GPHN: variants seen among roughly 807,000 people sequenced by gnomAD.
GPHN encodes the protein gephyrin.
A neutral mutation model predicts 95.5 loss-of-function variants in GPHN; 17 were observed. That is an observed-to-expected ratio of 0.18 (90% CI 0.12 to 0.27). The LOEUF is 0.27. GPHN is among the 10% of genes least tolerant of loss of function. The pLI is 1.00. For synonymous variants in GPHN, 320 were observed against 322.5 expected (o/e 0.99, Z 0.08); for missense variants, 660 against 978.1 (o/e 0.67, Z 4.34).
the GPHN span, among the ~76,000 whole-genome samples, chr14:67,498,256 C>T: frequency 0.031 from 4,747 of 152,200 alleles, 251 homozygotes; most frequent in East Asian, 0.22. Context: ...TTTGCCAAGA[C>T]GTTCTATAAG....
chr14:67,662,386 A>G, the GPHN span: 1 of 1,128,610 alleles, frequency 8.9e-7, no homozygotes, highest in South Asian at 1.4e-5. Context: ...ATCAATGGAC[A>G]GGAACAGTTA....
At position 66,983,057 on chromosome 14, in the gene GPHN, G is replaced by T. The variant is rs1483849194; in HGVS notation, c.963+17732G>T. Among the ~76,000 whole-genome samples, 3 of 152,088 alleles carry T rather than the reference G, an allele frequency of 2.0e-5. No individual in the cohort carries two copies. In the East Asian group the frequency reaches 5.8e-4, roughly 29 times the overall value. On this transcript the variant is annotated intron_variant, in intron 9 of 22. Coordinates refer to ENST00000478722, the MANE Select transcript of GPHN (RefSeq NM_020806.5). ...ACATAAGGTCAGGAGTTCAAGAGCA[G>T]CCTGGCCAACATGGTGAAACCCTGT...
At chr14:67,298,608 T>C in the GPHN span, among the ~76,000 whole-genome samples, 3 of 152,154 alleles carry the variant, frequency 2.0e-5, no homozygotes, top group East Asian at 3.8e-4. Flanking sequence ...GGTATATACA[T>C]AGAAATTTTC....
chr14:67,603,067 G>GTTTGTTTTGTTTTGTTTTGT, the GPHN span, among the ~76,000 whole-genome samples: 14 of 151,614 alleles, frequency 9.2e-5, no homozygotes, highest in African/African-American at 2.9e-4. Flanking sequence ...TTTCTTTCTG[G>GTTTGTTTTGTTTTGTTTTGT]TTTGTTTTGT....
chr14:67,727,480 T>G, the GPHN span: 2,142 of 347,666 alleles, frequency 6.2e-3, 37 homozygotes, highest in East Asian at 0.017. Flanking sequence ...CTTTTTGTTT[T>G]TTTTGTTTTT....
At chr14:67,248,052 C>A in the GPHN span, among the ~76,000 whole-genome samples, 1 of 151,954 alleles carries the variant, frequency 6.6e-6, no homozygotes, top group African/African-American at 2.4e-5. Context: ...TTATCATATG[C>A]CTTTTCTGCA....
chr14:67,225,583 G>A, the GPHN span, among the ~76,000 whole-genome samples: 8 of 152,246 alleles, frequency 5.3e-5, no homozygotes, highest in East Asian at 1.4e-3. Context: ...TTCCCAACCT[G>A]CTTTTTAGAT....
At chr14:66,865,511 G>C (rs141376508) in intron 4 of GPHN, among the ~76,000 whole-genome samples, 65 of 152,254 alleles carry the variant, frequency 4.3e-4, no homozygotes, top group African/African-American at 1.4e-3. Flanking sequence ...AGAAAACCCT[G>C]AGAGATCAGG....
At chr14:66,592,006 A>G (rs1473889664) in intron 1 of GPHN, among the ~76,000 whole-genome samples, 4 of 152,168 alleles carry the variant, frequency 2.6e-5, no homozygotes, top group South Asian at 2.1e-4. Flanking sequence ...ATCACCACAC[A>G]TCTACAGCCA....
intron 1 of GPHN, among the ~76,000 whole-genome samples, chr14:66,569,339 T>C (rs2060583558): frequency 6.6e-6 from 1 of 152,160 alleles, no homozygotes; most frequent in South Asian, 2.1e-4. Flanking sequence ...ACAGATACCC[T>C]TCCTCTTTAA....
chr14:67,573,238 ATTTCCCC>A, the GPHN span: 9 of 1,325,584 alleles, frequency 6.8e-6, no homozygotes, highest in Non-Finnish European at 8.7e-6. The surrounding 1 kb of genome is among the most constrained non-coding windows in gnomAD (Gnocchi z 4.8). Flanking sequence ...GCCCTGAGTG[ATTTCCCC>A]TTTCTTCATC....
At chr14:67,008,072 A>C (rs1244507823) in intron 9 of GPHN, among the ~76,000 whole-genome samples, 1 of 152,130 alleles carries the variant, frequency 6.6e-6, no homozygotes, top group Non-Finnish European at 1.5e-5. Context: ...GAATCATACT[A>C]TGTCATTTGC....
At chr14:67,350,585 CA>C in the GPHN span, 1 of 1,593,308 alleles carries the variant, frequency 6.3e-7, no homozygotes, top group Non-Finnish European at 8.6e-7. Flanking sequence ...TGTTTTGCTT[CA>C]AAACACCCCG....
At chr14:67,013,900 T>A (rs2073153019) in intron 9 of GPHN, among the ~76,000 whole-genome samples, 1 of 152,062 alleles carries the variant, frequency 6.6e-6, no homozygotes, top group Non-Finnish European at 1.5e-5. Context: ...AATGTGACTT[T>A]CTTCCAGAAG....
the GPHN span, among the ~76,000 whole-genome samples, chr14:67,528,258 T>C: frequency 1.3e-5 from 2 of 152,192 alleles, no homozygotes; most frequent in Non-Finnish European, 1.5e-5. Flanking sequence ...ATTTGAACTC[T>C]GGAAGTTGAA....
intron 5 of GPHN, among the ~76,000 whole-genome samples, chr14:66,885,508 A>G (rs8014841): frequency 0.3 from 44,878 of 151,904 alleles, 10,707 homozygotes; most frequent in African/African-American, 0.64. Flanking sequence ...TTATCTTCCA[A>G]ATATTGGGGA....
chr14:66,643,581 A>T (rs1271738533), intron 1 of GPHN, among the ~76,000 whole-genome samples: 1 of 152,086 alleles, frequency 6.6e-6, no homozygotes, highest in South Asian at 2.1e-4. Context: ...TTAAACATAG[A>T]TGAATCTCAT....
chr14:67,640,589 G>A, the GPHN span, among the ~76,000 whole-genome samples: 4 of 152,174 alleles, frequency 2.6e-5, no homozygotes, highest in African/African-American at 7.2e-5. Context: ...CTCTTAATCC[G>A]AACCTTTAAC....
the GPHN span, among the ~76,000 whole-genome samples, chr14:67,318,445 G>A: frequency 6.6e-6 from 1 of 151,988 alleles, no homozygotes; most frequent in Non-Finnish European, 1.5e-5. Context: ...TTTTGAAACA[G>A]ACTGAAGTTA....
Sources: gnomAD v4.1 joint callset for allele counts (sites outside exome capture counted in the v4.1 genomes callset) on GRCh38, gnomAD v4.1.1 for gene constraint, Gnocchi (gnomAD v3.1) non-coding constraint, MANE v1.5 for transcripts, NCBI Gene and HGNC (gene_info 2026-07-23, HGNC 2026-07-21) for gene names.